CORO2A: variants seen among roughly 807,000 people sequenced by gnomAD.
CORO2A encodes coronin-2A.
A neutral mutation model predicts 62.4 loss-of-function variants in CORO2A; 47 were observed. The observed-to-expected ratio is 0.75, with a 90% CI of 0.60 to 0.96. The LOEUF (loss-of-function observed/expected upper bound fraction) is 0.96. Among genes scored for constraint, CORO2A ranks in the 40% least tolerant of loss-of-function variants. The probability of loss-of-function intolerance (pLI) is 0.00; values close to 1 mark genes in which losing one functional copy is unlikely to be tolerated. For synonymous variants in CORO2A, 273 were observed against 268.9 expected (o/e 1.02, Z -0.15); for missense variants, 610 against 684.1 (o/e 0.89, Z 1.21).
In CORO2A at chr9:98,124,789, G is replaced by A; in HGVS notation, c.1563C>T (p.Gly521=). Residue 521 remains glycine, a synonymous_variant, in exon 12 of 12, where the codon GGC becomes GGT. Transcript: ENST00000375077. ...AGGTCTCTGCTCAGAGCTGCTCTGAGCCCATCCGCAAGTTTTTGATCTCCA... is the reference window on the plus strand; with the variant it reads ...AGGTCTCTGCTCAGAGCTGCTCTGAACCCATCCGCAAGTTTTTGATCTCCA... The part of the protein sequence containing the change: ...LELEIKNLRM[G]SEQL 6.2e-7 allele frequency: 1 copy of A among 1,611,820 alleles called. No homozygotes were observed. Among genetic ancestry groups the A allele is most frequent in the Non-Finnish European group, 8.5e-7 (1 of 1,179,218 alleles).
chr9:98,150,678 G>A (rs183768611), intron 2 of CORO2A, among the ~76,000 whole-genome samples: 72 of 152,312 alleles, frequency 4.7e-4, no homozygotes, highest in African/African-American at 1.4e-3. Flanking sequence ...CTGAGAGTTT[G>A]AGTAATAAAA....
chr9:98,150,847 A>G (rs1827714316), intron 2 of CORO2A, among the ~76,000 whole-genome samples: 1 of 152,076 alleles, frequency 6.6e-6, no homozygotes, highest in Non-Finnish European at 1.5e-5. Context: ...TACAAATTCC[A>G]TTTTGCACTT....
chr9:98,136,737 G>C (rs1163694109), intron 3 of CORO2A, among the ~76,000 whole-genome samples: 3 of 152,222 alleles, frequency 2.0e-5, no homozygotes, highest in Non-Finnish European at 2.9e-5. Flanking sequence ...CTACCTTGTG[G>C]GGTTGCTGGG....
At chr9:98,141,825 A>G (rs555243960) in intron 2 of CORO2A, among the ~76,000 whole-genome samples, 2 of 152,206 alleles carry the variant, frequency 1.3e-5, no homozygotes, top group Non-Finnish European at 2.9e-5. Flanking sequence ...GATTGTTGAG[A>G]GTTAAATGAG....
At chr9:98,187,027 C>G (rs919690069) in intron 1 of CORO2A, among the ~76,000 whole-genome samples, 2 of 152,144 alleles carry the variant, frequency 1.3e-5, no homozygotes, top group African/African-American at 4.8e-5. Flanking sequence ...CGCCTGTAAT[C>G]CCAGCACTTT....
intron 2 of CORO2A, among the ~76,000 whole-genome samples, chr9:98,142,054 T>C (rs889218835): frequency 1.3e-5 from 2 of 152,194 alleles, no homozygotes; most frequent in Non-Finnish European, 2.9e-5. Context: ...AGTTTTGCAA[T>C]TAAAAAAGGT....
chr9:98,180,916 G>A (rs943919951), intron 1 of CORO2A, among the ~76,000 whole-genome samples: 2 of 152,198 alleles, frequency 1.3e-5, no homozygotes, highest in Admixed American at 1.3e-4. Context: ...CTCCAGGGAT[G>A]GTGTGGGGGC....
intron 1 of CORO2A, among the ~76,000 whole-genome samples, chr9:98,178,439 G>A (rs970524372): frequency 1.6e-4 from 24 of 152,198 alleles, no homozygotes; most frequent in African/African-American, 4.6e-4. Flanking sequence ...AAAACCACGT[G>A]TCCATTCTGT....
chr9:98,134,421 A>G (rs2118815280), intron 4 of CORO2A, among the ~76,000 whole-genome samples: 1 of 152,320 alleles, frequency 6.6e-6, no homozygotes, highest in Middle Eastern at 3.4e-3. Flanking sequence ...TCCACCTGGA[A>G]CCTCAGAATG....
chr9:98,185,336 T>C (rs995432196), intron 1 of CORO2A, among the ~76,000 whole-genome samples: 1 of 152,170 alleles, frequency 6.6e-6, no homozygotes, highest in Admixed American at 6.5e-5. Context: ...CAATAGGTGG[T>C]TGCTGGGGTG....
chr9:98,158,861 C>A (rs571898525), intron 1 of CORO2A, among the ~76,000 whole-genome samples: 3 of 131,840 alleles, frequency 2.3e-5, no homozygotes, highest in South Asian at 5.3e-4. Context: ...ACACACACAC[C>A]ATGTATATTG....
intron 1 of CORO2A, among the ~76,000 whole-genome samples, chr9:98,192,272 A>T (rs760365247): frequency 8.5e-5 from 13 of 152,172 alleles, no homozygotes; most frequent in Non-Finnish European, 1.2e-4. Flanking sequence ...GACAGTGCTC[A>T]TGAGGGCAGC....
At chr9:98,139,628 A>T (rs1003822490) in intron 2 of CORO2A, among the ~76,000 whole-genome samples, 17 of 152,150 alleles carry the variant, frequency 1.1e-4, no homozygotes, top group African/African-American at 4.1e-4. Flanking sequence ...CTCCGTCTCA[A>T]AAATAAATAA....
In CORO2A at chr9:98,170,831, A is replaced by G. The variant is rs371674759; in HGVS notation, c.1-13171T>C. On this transcript the variant is annotated intron_variant, in intron 1 of 11. Transcript: ENST00000375077. ...CTTTCTGAGTTTCTATCCATATAAT[A>G]GTAACAGCCCTGCCCTGCCCACCTG... Among the ~76,000 whole-genome samples, 75 of 152,224 alleles carry G rather than the reference A, an allele frequency of 4.9e-4. No individual in the cohort carries two copies. In the South Asian group the frequency reaches 0.013, roughly 27 times the overall value.
rs548011900 is a variant in CORO2A, at chr9:98,132,995, C to T, written c.648+43G>A. On this transcript the variant is annotated intron_variant, in intron 5 of 11. Transcript: ENST00000375077. ...GCCTCTCTCTGTCCCCACTCTGCTC[C>T]TTGCTCCTCTGAGCCTGAGCCAGCC... The T allele has an allele frequency of 1.0e-5, 16 of 1,607,852 alleles. No individual in the cohort carries two copies. In the East Asian group the frequency reaches 3.6e-4, roughly 36 times the overall value.
At chr9:98,174,884 C>A (rs1828088424) in intron 1 of CORO2A, among the ~76,000 whole-genome samples, 1 of 152,076 alleles carries the variant, frequency 6.6e-6, no homozygotes, top group Non-Finnish European at 1.5e-5. Context: ...GATGGCTGCA[C>A]AATGGGAATG....
intron 1 of CORO2A, among the ~76,000 whole-genome samples, chr9:98,164,541 C>T (rs540871037): frequency 9.8e-5 from 15 of 152,324 alleles, no homozygotes; most frequent in African/African-American, 3.4e-4. Context: ...ATCTTCCTTT[C>T]TCACCAGGCA....
chr9:98,176,230 A>T (rs1378724193), intron 1 of CORO2A, among the ~76,000 whole-genome samples: 1 of 152,212 alleles, frequency 6.6e-6, no homozygotes, highest in Non-Finnish European at 1.5e-5. Flanking sequence ...ATGAGTGTTG[A>T]TTTAGAATCT....
rs145038417 is a variant in CORO2A at position 98,177,208 on chromosome 9, C to A, written c.-1+15351G>T. On this transcript the variant is annotated intron_variant, in intron 1 of 11. Coordinates refer to ENST00000375077, the MANE Select transcript of CORO2A (RefSeq NM_052820.4). ...GAAAGGCCGGCAGAGCATCAGCAGC[C>A]CCCACGATGTGAGGGGAAACCTGGA... 2.8e-3 allele frequency among the ~76,000 whole-genome samples: 428 copies of A among 152,204 alleles called. 5 individuals are homozygous for A. The highest frequency in any genetic ancestry group is 0.01 in the African/African-American group (419 of 41,536).
Sources: allele counts gnomAD v4.1 joint callset (sites outside exome capture counted in the v4.1 genomes callset), GRCh38; gene constraint gnomAD v4.1.1; transcripts MANE v1.5; gene names NCBI Gene and HGNC (gene_info 2026-07-23, HGNC 2026-07-21).